Variants in TICAM1 observed in about 807,000 individuals in gnomAD.
TICAM1 encodes the protein TIR domain-containing adapter molecule 1.
For missense variants in TICAM1, 895 were observed against 938.2 expected (o/e 0.95, Z 0.60); for synonymous variants, 439 against 415.4 (o/e 1.06, Z -0.69).
intron 1 of TICAM1, among the ~76,000 whole-genome samples, chr19:4,826,645 T>C (rs990489675): frequency 6.6e-6 from 1 of 152,176 alleles, no homozygotes; most frequent in Admixed American, 6.6e-5. Context: ...ATATTTCTGT[T>C]GGACAGCACA....
At chr19:4,826,872 T>C (rs930567216) in intron 1 of TICAM1, among the ~76,000 whole-genome samples, 7 of 152,112 alleles carry the variant, frequency 4.6e-5, no homozygotes, top group Non-Finnish European at 8.8e-5. Flanking sequence ...CCAGCTTATG[T>C]GGACCTGGTT....
chr19:4,829,719 A>G (rs2093611135), intron 1 of TICAM1, among the ~76,000 whole-genome samples: 1 of 152,014 alleles, frequency 6.6e-6, no homozygotes, highest in East Asian at 1.9e-4. Flanking sequence ...AGCTTGATAT[A>G]ATAATATTAG....
chr19:4,821,046 A>AAAT (rs1292128152), intron 1 of TICAM1, among the ~76,000 whole-genome samples: 1 of 142,308 alleles, frequency 7.0e-6, no homozygotes, highest in African/African-American at 2.6e-5. Context: ...AAAAAAAAAA[A>AAAT]ATTGCCAGAC....
chr19:4,823,163 T>C (rs372994407), intron 1 of TICAM1, among the ~76,000 whole-genome samples: 48 of 152,052 alleles, frequency 3.2e-4, no homozygotes, highest in African/African-American at 1.1e-3. Flanking sequence ...TCACTAAATA[T>C]ACAAAAATTA....
chr19:4,816,309 C>G lies in TICAM1; in HGVS notation c.2069G>C (p.Gly690Ala). 1 of 1,534,414 alleles carries G rather than the reference C, an allele frequency of 6.5e-7. No individual in the cohort carries two copies. Among genetic ancestry groups the G allele is most frequent in the Non-Finnish European group, 8.8e-7 (1 of 1,142,024 alleles). The change falls in exon 2 of 2, where the codon GGG (glycine) becomes GCG (alanine). Residue 690 changes from glycine to alanine, a missense_variant. By Grantham distance (60) the Gly-to-Ala change is moderately conservative. Transcript: ENST00000248244. This position sits in a 1 kb window ranked among gnomAD's most constrained non-coding sequence, Gnocchi z 4.3. ...IIHHAQMVQL[G>A]LNNHMWNQRG... ...CTGGTTCCACATGTGGTTGTTCAGC[C>G]CCAGCTGTACCATCTGTGCGTGGTG...
rs1202936308 is a variant in TICAM1, at chr19:4,817,935, A to G, written c.443T>C (p.Ile148Thr). The G allele has an allele frequency of 6.2e-7, 1 of 1,613,900 alleles. No homozygotes were observed. The highest frequency in any genetic ancestry group is 2.2e-5 in the East Asian group (1 of 44,872). Reference sequence around the variant, plus strand: ...CCGGATGCTCCCTGGATCCCCAGCAATGTCCCACCCACACCGGTTTCGGGC... The same window carrying G: ...CCGGATGCTCCCTGGATCCCCAGCAGTGTCCCACCCACACCGGTTTCGGGC... ...DEARNRCGWD[I>T]AGDPGSIRTL... The change falls in exon 2 of 2, where the codon ATT (isoleucine) becomes ACT (threonine). Residue 148 changes from isoleucine (I) to threonine (T), a missense_variant. Coordinates refer to ENST00000248244, the MANE Select transcript of TICAM1 (RefSeq NM_182919.4). This position sits in a 1 kb window ranked among gnomAD's most constrained non-coding sequence, Gnocchi z 4.7.
intron 1 of TICAM1, among the ~76,000 whole-genome samples, chr19:4,831,225 G>A (rs979300358): frequency 9.2e-5 from 14 of 151,668 alleles, no homozygotes; most frequent in African/African-American, 3.4e-4. Context: ...GAAATATGGG[G>A]TGTGAGGTAG....
rs771172794 is a variant in TICAM1, at chr19:4,816,205, G to C, written c.*34C>G. On this transcript the variant is annotated 3_prime_UTR_variant, in exon 2 of 2. Transcript: ENST00000248244. The surrounding 1 kb of genome is among the most constrained non-coding windows in gnomAD (Gnocchi z 4.3). Reference sequence around the variant, plus strand: ...GTCCTGGCCGATGCCTGGGTCCAGGGGTGTTCCCCAGGTGGTCAGGCAAGG... The same window carrying C: ...GTCCTGGCCGATGCCTGGGTCCAGGCGTGTTCCCCAGGTGGTCAGGCAAGG... 26 of 1,490,738 alleles carry C rather than the reference G, an allele frequency of 1.7e-5. No homozygotes were observed. Among genetic ancestry groups the C allele is most frequent in the Non-Finnish European group, 2.1e-5 (24 of 1,125,852 alleles). The allele number at this position is 1,490,738 out of a possible 1,614,324, so 92.3% of individuals were successfully genotyped here.
rs1322959750 is a variant in TICAM1 at position 4,817,869 on chromosome 19, G to A, written c.509C>T (p.Ala170Val). The change falls in exon 2 of 2, where the codon GCT (alanine) becomes GTT (valine). Residue 170 changes from alanine to valine, a missense_variant. Physicochemically the swap from Ala to Val is moderately conservative, Grantham distance 64 (BLOSUM62 0). Coordinates refer to ENST00000248244, the MANE Select transcript of TICAM1 (RefSeq NM_182919.4). The surrounding 1 kb of genome is among the most constrained non-coding windows in gnomAD (Gnocchi z 4.7). ...GAGGCTCCTGGTCCCAGAGGGCAAA[G>A]CCGAGGATGGTGGGAGGCAGCCCAG... ...SNLGCLPPSS[A>V]LPSGTRSLPR... 10 of 1,613,286 alleles carry A rather than the reference G, an allele frequency of 6.2e-6. No individual in the cohort carries two copies. Among genetic ancestry groups the A allele is most frequent in the Non-Finnish European group, 7.6e-6 (9 of 1,179,908 alleles).
In TICAM1 at chr19:4,825,441, T is replaced by G. The variant is rs183501058; in HGVS notation, c.-140+6173A>C. 8.7e-3 allele frequency among the ~76,000 whole-genome samples: 1,324 copies of G among 152,150 alleles called. 7 individuals are homozygous for G. The highest frequency in any genetic ancestry group is 0.017 in the Middle Eastern group (5 of 294). On this transcript the variant is annotated intron_variant, in intron 1 of 1. Coordinates refer to ENST00000248244, the MANE Select transcript of TICAM1 (RefSeq NM_182919.4). ...TTTTTGTAGAGACTGGGTCTCCCCA[T>G]GTTGCCTGGGCTCAAGTGATCCTCC...
intron 1 of TICAM1, among the ~76,000 whole-genome samples, chr19:4,826,908 T>G (rs565081215): frequency 6.6e-6 from 1 of 152,258 alleles, no homozygotes; most frequent in Admixed American, 6.6e-5. Context: ...CAGCCTCACC[T>G]AGTTTTAATT....
Position 4,817,994 on chromosome 19 carries a change from C to G in TICAM1, c.384G>C (p.Arg128Ser). The G allele has an allele frequency of 1.9e-6, 3 of 1,612,700 alleles. No individual in the cohort carries two copies. The highest frequency in any genetic ancestry group is 2.5e-6 in the Non-Finnish European group (3 of 1,179,868). The stretch of plus-strand genomic sequence containing the variant: ...GAAGTTCCCCCAGCCGGTGGTCGTC[C>G]CTGGAGCTGAGGGTGCGGACGGCTT... ...YQEAVRTLSS[R>S]DDHRLGELQD... The change falls in exon 2 of 2, where the codon AGG becomes AGC. Residue 128 changes from arginine to serine, a missense_variant. Physicochemically the swap from Arg to Ser is moderately radical, Grantham distance 110 (BLOSUM62 -1). Coordinates refer to ENST00000248244, the MANE Select transcript of TICAM1 (RefSeq NM_182919.4). This position sits in a 1 kb window ranked among gnomAD's most constrained non-coding sequence, Gnocchi z 4.7.
intron 1 of TICAM1, among the ~76,000 whole-genome samples, chr19:4,822,928 C>T (rs975324364): frequency 1.3e-5 from 2 of 152,168 alleles, no homozygotes; most frequent in African/African-American, 4.8e-5. Flanking sequence ...AAGTGCCAAC[C>T]TCCAGTAGCT....
Position 4,817,112 on chromosome 19 carries a change from G to T in TICAM1, c.1266C>A (p.Pro422=), listed in dbSNP as rs779700744. ...VREKLEALGV[P]DGATFCEDFQ... is the part of the protein sequence containing the mutation. ...AATCCTCGCAGAAGGTGGCCCCGTC[G>T]GGCACGCCAAGGGCCTCCAGCTTCT... Residue 422 remains proline (P), a synonymous_variant, in exon 2 of 2, where the codon CCC becomes CCA. Coordinates refer to ENST00000248244, the MANE Select transcript of TICAM1 (RefSeq NM_182919.4). This position sits in a 1 kb window ranked among gnomAD's most constrained non-coding sequence, Gnocchi z 4.7. 6.2e-7 allele frequency: 1 copy of T among 1,614,106 alleles called. No individual in the cohort carries two copies. Among genetic ancestry groups the T allele is most frequent in the South Asian group, 1.1e-5 (1 of 91,078 alleles).
chr19:4,830,007 C>A, intron 1 of TICAM1, among the ~76,000 whole-genome samples: 1 of 150,664 alleles, frequency 6.6e-6, no homozygotes, highest in South Asian at 2.1e-4. Context: ...GACAGGGTTT[C>A]GCCATGTTGG....
Position 4,817,737 on chromosome 19 carries a change from G to T in TICAM1, c.641C>A (p.Thr214Asn). 1.9e-6 allele frequency: 3 copies of T among 1,602,116 alleles called. No homozygotes were observed. The highest frequency in any genetic ancestry group is 2.5e-6 in the Non-Finnish European group (3 of 1,177,092). ...ASNLEISQSPTMPFLSLHRSP... is the reference protein window; with the variant it reads ...ASNLEISQSPNMPFLSLHRSP... ...GCGGTGCAGGCTGAGGAAGGGCATG[G>T]TAGGGGACTGGCTGATTTCCAAGTT... The change falls in exon 2 of 2, where the codon ACC becomes AAC. Residue 214 changes from threonine (T) to asparagine (N), a missense_variant. Transcript: ENST00000248244. This position sits in a 1 kb window ranked among gnomAD's most constrained non-coding sequence, Gnocchi z 4.7.
chr19:4,823,838 C>T (rs932735414), intron 1 of TICAM1, among the ~76,000 whole-genome samples: 2 of 152,016 alleles, frequency 1.3e-5, no homozygotes, highest in Non-Finnish European at 2.9e-5. Context: ...TTAAGCCATC[C>T]GGGCTGGGGC....
intron 1 of TICAM1, among the ~76,000 whole-genome samples, chr19:4,828,719 T>TTC (rs1249996205): frequency 1.5e-5 from 2 of 129,490 alleles, no homozygotes; most frequent in African/African-American, 6.1e-5. Context: ...TTTTTTTTTT[T>TTC]CTGAGACCGA....
chr19:4,825,045 C>T (rs930784980), intron 1 of TICAM1, among the ~76,000 whole-genome samples: 10 of 151,880 alleles, frequency 6.6e-5, no homozygotes, highest in Non-Finnish European at 1.3e-4. Flanking sequence ...TTTGGAAGGC[C>T]GAGGTGTGTG....
Sources: gnomAD v4.1 joint callset for allele counts (sites outside exome capture counted in the v4.1 genomes callset) on GRCh38, gnomAD v4.1.1 for gene constraint, Gnocchi (gnomAD v3.1) non-coding constraint, MANE v1.5 for transcripts, NCBI Gene and HGNC (gene_info 2026-07-23, HGNC 2026-07-21) for gene names.